Variants in KCNMB2 observed in about 807,000 individuals in gnomAD.
KCNMB2 encodes the protein calcium-activated potassium channel subunit beta-2.
In KCNMB2, 9 loss-of-function variants were observed where a neutral mutation model predicts 24.5. The observed-to-expected ratio is 0.37, with a 90% CI of 0.22 to 0.64. The LOEUF is 0.64. Among genes scored for constraint, KCNMB2 ranks in the 30% least tolerant of loss-of-function variants. KCNMB2 has a pLI of 0.63. For synonymous variants in KCNMB2, 109 were observed against 104.4 expected (o/e 1.04, Z -0.27); for missense variants, 226 against 284.3 (o/e 0.79, Z 1.47).
At chr3:178,725,420 A>G (rs1182010322) in intron 1 of KCNMB2, among the ~76,000 whole-genome samples, 1 of 152,058 alleles carries the variant, frequency 6.6e-6, no homozygotes, top group African/African-American at 2.4e-5. Context: ...AGTTATCACC[A>G]CTAACAATAT....
chr3:178,587,425 A>AT lies in KCNMB2; in HGVS notation c.-68+50720dup, dbSNP rs553077370. On this transcript the variant is annotated intron_variant, in intron 1 of 4. Transcript: ENST00000452583. ...ACTCAGGAGATTATCTTTTCCAGTA[A>AT]TTTTTTCTTTTTTTTGAGACAGGGT... Among the ~76,000 whole-genome samples, 4 of 151,616 alleles carry AT rather than the reference A, an allele frequency of 2.6e-5. No homozygotes were observed. The East Asian group carries it at 7.8e-4, about 30-fold the overall frequency.
chr3:178,760,938 T>C (rs1028147674), intron 1 of KCNMB2, among the ~76,000 whole-genome samples: 9 of 152,174 alleles, frequency 5.9e-5, no homozygotes, highest in East Asian at 1.9e-4. Flanking sequence ...ATCTAATAAC[T>C]TGATTTACTA....
intron 1 of KCNMB2, among the ~76,000 whole-genome samples, chr3:178,680,656 A>G (rs1721238636): frequency 6.6e-6 from 1 of 152,106 alleles, no homozygotes; most frequent in South Asian, 2.1e-4. Context: ...TCTGCTGGCA[A>G]CTGTACAGAT....
intron 1 of KCNMB2, among the ~76,000 whole-genome samples, chr3:178,699,306 A>G (rs1559979457): frequency 6.6e-6 from 1 of 152,196 alleles, no homozygotes; most frequent in African/African-American, 2.4e-5. Context: ...GTGCCAGCCA[A>G]GGCTCCCTGC....
intron 1 of KCNMB2, among the ~76,000 whole-genome samples, chr3:178,693,093 TG>T (rs2108331256): frequency 6.6e-6 from 1 of 152,336 alleles, no homozygotes; most frequent in Admixed American, 6.5e-5. Context: ...TATTGCACAT[TG>T]ATTTTGTATC....
intron 1 of KCNMB2, among the ~76,000 whole-genome samples, chr3:178,624,204 A>G (rs1719020748): frequency 6.6e-6 from 1 of 151,710 alleles, no homozygotes; most frequent in Non-Finnish European, 1.5e-5. Context: ...TTAAATAAAT[A>G]AATAAATAAC....
chr3:178,736,870 A>G (rs1212394081), intron 1 of KCNMB2, among the ~76,000 whole-genome samples: 1 of 152,242 alleles, frequency 6.6e-6, no homozygotes, highest in Non-Finnish European at 1.5e-5. Context: ...CAAGAAGTCT[A>G]TGGATGAAAG....
chr3:178,756,916 C>T lies in KCNMB2; in HGVS notation c.-67-50427C>T, dbSNP rs1366057004. On this transcript the variant is annotated intron_variant, in intron 1 of 4. Coordinates refer to ENST00000452583, the MANE Select transcript of KCNMB2 (RefSeq NM_181361.3). ...TCCTGAGCTTAAAAACACTGGACAG[C>T]ACTTCAGCAGTACTCTTGGGAGCGA... 3.9e-5 allele frequency among the ~76,000 whole-genome samples: 6 copies of T among 151,936 alleles called. No homozygotes were observed. In the East Asian group the frequency reaches 7.7e-4, roughly 20 times the overall value.
intron 1 of KCNMB2, among the ~76,000 whole-genome samples, chr3:178,658,128 G>A (rs1421884894): frequency 6.6e-6 from 1 of 152,164 alleles, no homozygotes; most frequent in Non-Finnish European, 1.5e-5. Context: ...CAGCTTAAAT[G>A]CATGGAATGA....
At chr3:178,798,097 T>C (rs1160922566) in intron 1 of KCNMB2, among the ~76,000 whole-genome samples, 1 of 152,190 alleles carries the variant, frequency 6.6e-6, no homozygotes, top group Non-Finnish European at 1.5e-5. Context: ...ACAATTTGAC[T>C]TCCTCTCTTT....
chr3:178,596,883 G>T (rs1156773582), intron 1 of KCNMB2, among the ~76,000 whole-genome samples: 4 of 152,066 alleles, frequency 2.6e-5, no homozygotes, highest in Admixed American at 1.3e-4. Context: ...AAAACTAAAA[G>T]ATATACTTTA....
chr3:178,711,325 C>T (rs1722446388), intron 1 of KCNMB2, among the ~76,000 whole-genome samples: 1 of 151,942 alleles, frequency 6.6e-6, no homozygotes, highest in Non-Finnish European at 1.5e-5. Context: ...TAATATTGTG[C>T]CTGGCATTTG....
At chr3:178,718,509 CAG>C (rs1477755235) in intron 1 of KCNMB2, among the ~76,000 whole-genome samples, 4 of 152,342 alleles carry the variant, frequency 2.6e-5, no homozygotes, top group African/African-American at 9.6e-5. Context: ...ACTCTGGAAT[CAG>C]AAGATCTGAG....
intron 1 of KCNMB2, among the ~76,000 whole-genome samples, chr3:178,558,253 T>G (rs1042703564): frequency 7.2e-5 from 11 of 152,150 alleles, no homozygotes; most frequent in Admixed American, 5.2e-4. Context: ...CTCAATACAT[T>G]GTTTGAAATC....
At chr3:178,586,372 G>A (rs996190474) in intron 1 of KCNMB2, among the ~76,000 whole-genome samples, 1 of 152,000 alleles carries the variant, frequency 6.6e-6, no homozygotes, top group African/African-American at 2.4e-5. Context: ...AATCAAGCAC[G>A]TCAGGAAGTC....
intron 4 of KCNMB2, among the ~76,000 whole-genome samples, chr3:178,836,263 T>C (rs1452260280): frequency 1.3e-5 from 2 of 152,120 alleles, no homozygotes; most frequent in Admixed American, 1.3e-4. Context: ...TCTCAAAACT[T>C]CTGTCCATCA....
chr3:178,613,351 T>C (rs1212206051), intron 1 of KCNMB2, among the ~76,000 whole-genome samples: 1 of 152,212 alleles, frequency 6.6e-6, no homozygotes, highest in Non-Finnish European at 1.5e-5. Context: ...GAGCCAAGAT[T>C]GTGCCACTGT....
At chr3:178,759,883 T>G (rs1231887757) in intron 1 of KCNMB2, among the ~76,000 whole-genome samples, 1 of 43,640 alleles carries the variant, frequency 2.3e-5, no homozygotes, top group Non-Finnish European at 3.7e-5. Context: ...TCTATATATA[T>G]ATATATATCC....
chr3:178,605,381 T>C (rs114220265), intron 1 of KCNMB2, among the ~76,000 whole-genome samples: 4,708 of 152,282 alleles, frequency 0.031, 259 homozygotes, highest in African/African-American at 0.11. Flanking sequence ...AATTCTCTTA[T>C]AGCAGCCCAA....
Sources: allele counts gnomAD v4.1 joint callset (sites outside exome capture counted in the v4.1 genomes callset), GRCh38; gene constraint gnomAD v4.1.1; transcripts MANE v1.5; gene names NCBI Gene and HGNC (gene_info 2026-07-23, HGNC 2026-07-21).